Variants in CNTNAP2 observed in about 807,000 individuals in gnomAD.
CNTNAP2 encodes the protein contactin-associated protein-like 2.
A neutral mutation model predicts 155.2 loss-of-function variants in CNTNAP2; 98 were observed. That is an observed-to-expected ratio of 0.63 (90% CI 0.54 to 0.75). CNTNAP2 has a LOEUF of 0.75. CNTNAP2 is among the 30% of genes least tolerant of loss of function. The pLI is 0.00. For synonymous variants in CNTNAP2, 651 were observed against 631.2 expected (o/e 1.03, Z -0.47); for missense variants, 1,727 against 1,688.1 (o/e 1.02, Z -0.40).
intron 1 of CNTNAP2, among the ~76,000 whole-genome samples, chr7:146,450,063 A>G (rs1436274255): frequency 6.6e-6 from 1 of 152,150 alleles, no homozygotes; most frequent in East Asian, 1.9e-4. Context: ...TATGCAAGTT[A>G]TTTACCAACA....
intron 8 of CNTNAP2, among the ~76,000 whole-genome samples, chr7:147,238,357 G>A (rs1295893719): frequency 6.6e-6 from 1 of 151,880 alleles, no homozygotes; most frequent in African/African-American, 2.4e-5. Context: ...TACTATGATT[G>A]TCACGAGATA....
At chr7:146,751,687 C>T (rs1801906231) in intron 1 of CNTNAP2, among the ~76,000 whole-genome samples, 1 of 152,048 alleles carries the variant, frequency 6.6e-6, no homozygotes. Context: ...TATACATGTG[C>T]CATGGTGGTT....
chr7:147,329,816 C>T (rs190955743), intron 9 of CNTNAP2, among the ~76,000 whole-genome samples: 106 of 152,028 alleles, frequency 7.0e-4, no homozygotes, highest in Admixed American at 1.9e-3. Context: ...TTGTTAGGTC[C>T]TTTGTCACGG....
At chr7:147,451,379 A>G (rs1202908769) in intron 10 of CNTNAP2, among the ~76,000 whole-genome samples, 1 of 152,198 alleles carries the variant, frequency 6.6e-6, no homozygotes, top group Non-Finnish European at 1.5e-5. Flanking sequence ...CATAGAATAT[A>G]TGCTTAAGGA....
intron 1 of CNTNAP2, among the ~76,000 whole-genome samples, chr7:146,739,488 G>T (rs1585067631): frequency 6.6e-6 from 1 of 151,854 alleles, no homozygotes; most frequent in East Asian, 1.9e-4. Context: ...TCAAACTATT[G>T]ATTTCTAGTT....
At chr7:147,798,487 GT>G (rs1797937152) in intron 13 of CNTNAP2, among the ~76,000 whole-genome samples, 1 of 152,148 alleles carries the variant, frequency 6.6e-6, no homozygotes, top group African/African-American at 2.4e-5. Flanking sequence ...GATTCTCTGG[GT>G]TTTTGTCCTG....
At chr7:146,920,191 A>ATC (rs1471600151) in intron 3 of CNTNAP2, among the ~76,000 whole-genome samples, 8 of 152,138 alleles carry the variant, frequency 5.3e-5, no homozygotes, top group Non-Finnish European at 1.2e-4. Flanking sequence ...AGGAGAGCAG[A>ATC]TCACCTGAGG....
intron 1 of CNTNAP2, among the ~76,000 whole-genome samples, chr7:146,319,993 T>C (rs1263506549): frequency 6.8e-6 from 1 of 147,630 alleles, no homozygotes; most frequent in Non-Finnish European, 1.5e-5. Context: ...AATGTAACTG[T>C]CGCCCCCCCC....
At position 146,437,647 on chromosome 7, in the gene CNTNAP2, TA is replaced by T. The variant is rs1167484488; in HGVS notation, c.97+320681del. On this transcript the variant is annotated intron_variant, in intron 1 of 23. Coordinates refer to ENST00000361727, the MANE Select transcript of CNTNAP2 (RefSeq NM_014141.6). ...CACTTAATCCTATAAAATGGCAAACTAAAAAAATAATTGTACATCAAAATAA... is the reference window on the plus strand; with the variant it reads ...CACTTAATCCTATAAAATGGCAAACTAAAAAATAATTGTACATCAAAATAA... 4.6e-5 allele frequency among the ~76,000 whole-genome samples: 7 copies of T among 151,666 alleles called. No individual in the cohort carries two copies. The East Asian group carries it at 1.2e-3, about 25-fold the overall frequency.
rs542086797 is a variant in CNTNAP2, at chr7:147,397,919, T to A, written c.1670+2139T>A. Among the ~76,000 whole-genome samples the A allele has an allele frequency of 3.9e-5, 6 of 152,016 alleles. No homozygotes were observed. The South Asian group carries it at 1.2e-3, about 31-fold the overall frequency. Reference sequence around the variant, plus strand: ...CAGGGAAGTAGCCACCTGTGACACATCTCCACGCATTTTCTAAACCCATTA... The same window carrying A: ...CAGGGAAGTAGCCACCTGTGACACAACTCCACGCATTTTCTAAACCCATTA... On this transcript the variant is annotated intron_variant, in intron 10 of 23. Transcript: ENST00000361727.
intron 9 of CNTNAP2, among the ~76,000 whole-genome samples, chr7:147,351,592 G>C (rs1459271704): frequency 1.3e-5 from 2 of 151,756 alleles, no homozygotes; most frequent in African/African-American, 4.8e-5. Flanking sequence ...AGAAAACAGT[G>C]TTAAATATAT....
At chr7:146,790,771 G>A (rs888211008) in intron 2 of CNTNAP2, among the ~76,000 whole-genome samples, 5 of 151,710 alleles carry the variant, frequency 3.3e-5, no homozygotes, top group East Asian at 3.9e-4. Context: ...GGGTTTCACC[G>A]TGTTAGCCAG....
At chr7:146,606,131 A>G (rs980587540) in intron 1 of CNTNAP2, among the ~76,000 whole-genome samples, 2 of 152,160 alleles carry the variant, frequency 1.3e-5, no homozygotes, top group African/African-American at 2.4e-5. Flanking sequence ...GCATCCAACC[A>G]TTTACTGTTT....
intron 8 of CNTNAP2, among the ~76,000 whole-genome samples, chr7:147,261,638 C>T (rs80252763): frequency 0.034 from 5,077 of 151,332 alleles, 109 homozygotes; most frequent in Middle Eastern, 0.062. Context: ...CCTTTTAACA[C>T]AAATATTATT....
chr7:146,572,347 C>T (rs1480078922), intron 1 of CNTNAP2, among the ~76,000 whole-genome samples: 1 of 150,360 alleles, frequency 6.7e-6, no homozygotes, highest in East Asian at 2.0e-4. Flanking sequence ...AGCAATGCCT[C>T]CTGAGTTTGA....
At chr7:148,081,339 G>C (rs1803599622) in intron 15 of CNTNAP2, among the ~76,000 whole-genome samples, 5 of 152,132 alleles carry the variant, frequency 3.3e-5, no homozygotes. Flanking sequence ...GTGTATGTGA[G>C]AGTGTTGCCA....
intron 12 of CNTNAP2, among the ~76,000 whole-genome samples, chr7:147,628,319 T>C (rs181491227): frequency 6.6e-6 from 1 of 152,160 alleles, no homozygotes; most frequent in East Asian, 1.9e-4. Context: ...AGAATTGGGG[T>C]GTCATCTTTA....
intron 1 of CNTNAP2, among the ~76,000 whole-genome samples, chr7:146,623,434 C>G (rs1267448966): frequency 2.6e-5 from 4 of 152,184 alleles, no homozygotes; most frequent in African/African-American, 4.8e-5. Flanking sequence ...CCACTCAACT[C>G]TCTCTACAGA....
chr7:148,393,256 CCTTATG>C (rs1422700650), intron 22 of CNTNAP2, among the ~76,000 whole-genome samples: 5 of 152,166 alleles, frequency 3.3e-5, no homozygotes, highest in Non-Finnish European at 5.9e-5. Context: ...CCTTTTCTCT[CCTTATG>C]CTAAGACTGC....
Sources: gnomAD v4.1 joint callset for allele counts (sites outside exome capture counted in the v4.1 genomes callset) on GRCh38, gnomAD v4.1.1 for gene constraint, MANE v1.5 for transcripts, NCBI Gene and HGNC (gene_info 2026-07-23, HGNC 2026-07-21) for gene names.